USP49: variants seen among roughly 807,000 people sequenced by gnomAD.
USP49 encodes the protein ubiquitin specific peptidase 49, also known as ubiquitin carboxyl-terminal hydrolase 49.
Under a neutral mutation model 58.6 loss-of-function variants are expected in USP49, and 24 were observed. The observed-to-expected ratio is 0.41, with a 90% CI of 0.30 to 0.58. The LOEUF (loss-of-function observed/expected upper bound fraction) is 0.58, where lower values mean the gene tolerates loss of function less well. Among genes scored for constraint, USP49 ranks in the 20% least tolerant of loss-of-function variants. USP49 has a pLI of 0.30. For missense variants in USP49, 703 were observed against 866.1 expected (o/e 0.81, Z 2.36); for synonymous variants, 408 against 365.1 (o/e 1.12, Z -1.34).
In USP49 at chr6:41,806,768, G is replaced by A; in HGVS notation, c.216C>T (p.Leu72=). ...CCTTGCACAGGTAACAGAACACGTA[G>A]AGATCCCGGACTTCCATGGCTAGCG... is the stretch of plus-strand genomic sequence containing the variant. ...GHPLAMEVRD[L]YVFCYLCKDY... Residue 72 remains leucine, a synonymous_variant, in exon 4 of 8, where the codon CTC becomes CTT. Coordinates refer to ENST00000682992, the MANE Select transcript of USP49 (RefSeq NM_001286554.2). This position sits in a 1 kb window ranked among gnomAD's most constrained non-coding sequence, Gnocchi z 5.9. 6.2e-7 allele frequency: 1 copy of A among 1,614,250 alleles called. No individual in the cohort carries two copies. The highest frequency in any genetic ancestry group is 8.5e-7 in the Non-Finnish European group (1 of 1,180,032).
At chr6:41,856,049 A>G (rs191296755) in intron 3 of USP49, among the ~76,000 whole-genome samples, 2 of 100,482 alleles carry the variant, frequency 2.0e-5, no homozygotes, top group Admixed American at 1.9e-4. Context: ...CTCCATCTCA[A>G]AAAAAAAAAA....
intron 3 of USP49, among the ~76,000 whole-genome samples, chr6:41,868,089 G>A (rs966651470): frequency 1.3e-5 from 2 of 152,080 alleles, no homozygotes; most frequent in African/African-American, 2.4e-5. Context: ...GCACTCCCCT[G>A]GTCAATAGCA....
chr6:41,894,411 T>A (rs1774861477), intron 1 of USP49: 1 of 152,226 alleles, frequency 6.6e-6, no homozygotes, highest in African/African-American at 2.4e-5. Context: ...TGACTCCACC[T>A]GGTTCCAGTC....
At chr6:41,878,478 C>A (rs776877058) in intron 2 of USP49, among the ~76,000 whole-genome samples, 2 of 152,116 alleles carry the variant, frequency 1.3e-5, no homozygotes, top group Non-Finnish European at 2.9e-5. Flanking sequence ...AAAAACAATA[C>A]CAAATCCCAT....
At chr6:41,843,811 C>T (rs1040453461) in intron 3 of USP49, among the ~76,000 whole-genome samples, 3 of 151,894 alleles carry the variant, frequency 2.0e-5, no homozygotes, top group Admixed American at 1.3e-4. Flanking sequence ...TGGGAAGCTG[C>T]GGCGGGCAGA....
intron 3 of USP49, among the ~76,000 whole-genome samples, chr6:41,810,705 C>T (rs767314980): frequency 3.3e-5 from 5 of 151,172 alleles, no homozygotes; most frequent in Non-Finnish European, 5.9e-5. Context: ...GGCCACCACA[C>T]CCAGCTAATT....
At chr6:41,843,095 C>T (rs1773853863) in intron 3 of USP49, among the ~76,000 whole-genome samples, 1 of 152,120 alleles carries the variant, frequency 6.6e-6, no homozygotes, top group South Asian at 2.1e-4. Context: ...CTGCAACCTC[C>T]ACCTCTTGGG....
intron 3 of USP49, among the ~76,000 whole-genome samples, chr6:41,828,537 A>G (rs567587659): frequency 1.3e-5 from 2 of 152,318 alleles, no homozygotes; most frequent in Admixed American, 1.3e-4. Flanking sequence ...ACATATTCCA[A>G]GAGATCAAGC....
At chr6:41,844,328 T>TC (rs1251871611) in intron 3 of USP49, among the ~76,000 whole-genome samples, 4 of 152,078 alleles carry the variant, frequency 2.6e-5, no homozygotes, top group African/African-American at 4.8e-5. Context: ...TTTTTTTTTT[T>TC]CTTTCTTTGA....
chr6:41,831,065 T>C (rs1023180159), intron 3 of USP49, among the ~76,000 whole-genome samples: 21 of 152,172 alleles, frequency 1.4e-4, no homozygotes, highest in South Asian at 1.2e-3. Flanking sequence ...AAGACCAGCC[T>C]GGCTAACATG....
chr6:41,806,414 G>A lies in USP49; in HGVS notation c.570C>T (p.Arg190=). 6.4e-7 allele frequency: 1 copy of A among 1,570,688 alleles called. No homozygotes were observed. The highest frequency in any genetic ancestry group is 8.6e-7 in the Non-Finnish European group (1 of 1,166,898). ...CCTCCAGCAGCCGCCGTTTCACCTC[G>A]CGCCGCCGCCTCCGCGCCTCCTCCT... ...RKKEEARRRR[R]EVKRRLLEEL... is the part of the protein sequence containing the mutation. Residue 190 remains arginine, a synonymous_variant, in exon 4 of 8, where the codon CGC becomes CGT. Coordinates refer to ENST00000682992, the MANE Select transcript of USP49 (RefSeq NM_001286554.2). The surrounding 1 kb of genome is among the most constrained non-coding windows in gnomAD (Gnocchi z 5.9).
At chr6:41,880,855 G>A (rs1774591110) in intron 2 of USP49, among the ~76,000 whole-genome samples, 1 of 152,080 alleles carries the variant, frequency 6.6e-6, no homozygotes, top group Non-Finnish European at 1.5e-5. Context: ...CCCAGGATAC[G>A]AGGGGAAGTA....
intron 3 of USP49, among the ~76,000 whole-genome samples, chr6:41,845,752 A>T (rs1025309067): frequency 2.7e-5 from 4 of 150,562 alleles, no homozygotes; most frequent in African/African-American, 9.8e-5. Flanking sequence ...TTTTTTAAAT[A>T]TTTTTTTTTT....
intron 3 of USP49, among the ~76,000 whole-genome samples, chr6:41,851,952 CAAAAAAAAA>C (rs67716441): frequency 9.1e-5 from 5 of 54,882 alleles, no homozygotes; most frequent in African/African-American, 2.1e-4. Context: ...AGACTCGTCT[CAAAAAAAAA>C]AAAAAAAAAA....
chr6:41,863,808 G>A (rs1774264017), intron 3 of USP49, among the ~76,000 whole-genome samples: 1 of 152,156 alleles, frequency 6.6e-6, no homozygotes, highest in Admixed American at 6.5e-5. Context: ...CCACTTTGAA[G>A]TGCAGTGGCA....
chr6:41,831,337 C>T (rs1166179774), intron 3 of USP49, among the ~76,000 whole-genome samples: 1 of 151,990 alleles, frequency 6.6e-6, no homozygotes, highest in African/African-American at 2.4e-5. Flanking sequence ...TTGCAGTGAG[C>T]CGAGATTGTG....
rs139353396 is a variant in USP49 at position 41,839,317 on chromosome 6, G to T, written c.-29+32247C>A. 6.5e-3 allele frequency among the ~76,000 whole-genome samples: 895 copies of T among 137,412 alleles called. 9 individuals are homozygous for T. Among genetic ancestry groups the T allele is most frequent in the Non-Finnish European group, 9.3e-3 (611 of 65,358 alleles). 90.1% of individuals were successfully genotyped at this position (137,412 alleles called of 152,430 possible). On this transcript the variant is annotated intron_variant, in intron 3 of 7. Transcript: ENST00000682992. ...GCCACTTGGGAGGCTGAGGTGGGAA[G>T]ATAGCTTGAGCCCAGGAGGCGGAGG... is the stretch of plus-strand genomic sequence containing the variant.
At chr6:41,808,648 G>T (rs1371781758) in intron 3 of USP49, among the ~76,000 whole-genome samples, 2 of 152,118 alleles carry the variant, frequency 1.3e-5, no homozygotes, top group East Asian at 3.9e-4. Flanking sequence ...TTGACCTCGT[G>T]ATCCGCCCAC....
intron 3 of USP49, among the ~76,000 whole-genome samples, chr6:41,854,717 T>A (rs1026434409): frequency 6.6e-6 from 1 of 152,164 alleles, no homozygotes; most frequent in Non-Finnish European, 1.5e-5. Context: ...ATCCATTAAA[T>A]CAAAAAGTCT....
Sources: allele counts gnomAD v4.1 joint callset (sites outside exome capture counted in the v4.1 genomes callset), GRCh38; gene constraint gnomAD v4.1.1; non-coding constraint Gnocchi (gnomAD v3.1); transcripts MANE v1.5; gene names NCBI Gene and HGNC (gene_info 2026-07-23, HGNC 2026-07-21).